Variants in FGD4 observed in about 807,000 individuals in gnomAD.
FGD4 encodes FYVE, RhoGEF and PH domain-containing protein 4.
In FGD4, 42 loss-of-function variants were observed where a neutral mutation model predicts 102.0. The ratio of observed to expected loss-of-function variants is 0.41; its 90% CI spans 0.32 to 0.53. The LOEUF (loss-of-function observed/expected upper bound fraction) is 0.53. Among genes scored for constraint, FGD4 ranks in the 20% least tolerant of loss-of-function variants. FGD4 has a pLI of 0.21. For missense variants in FGD4, 902 were observed against 1,078.2 expected (o/e 0.84, Z 2.29); for synonymous variants, 380 against 375.7 (o/e 1.01, Z -0.13).
intron 1 of FGD4, among the ~76,000 whole-genome samples, chr12:32,550,187 T>G (rs577831909): frequency 2.6e-5 from 4 of 152,104 alleles, no homozygotes; most frequent in Non-Finnish European, 5.9e-5. Context: ...CACTTTTAAT[T>G]AAGGAGTTAT....
rs1950116143 is a variant in FGD4, at chr12:32,625,691, G to A, written c.2084G>A (p.Arg695Gln). 5 of 1,613,876 alleles carry A rather than the reference G, an allele frequency of 3.1e-6. No homozygotes were observed. The highest frequency in any genetic ancestry group is 1.1e-5 in the South Asian group (1 of 91,066). The change falls in exon 14 of 17, where the codon CGA becomes CAA. Residue 695 changes from arginine (R) to glutamine (Q), a missense_variant. Physicochemically the swap from Arg to Gln is conservative, Grantham distance 43. Transcript: ENST00000534526. ...GGGAAAAGAGCCCCAAGATGGATCC[G>A]AGATAATGAAGTGACAATGTGTATG... Reference protein sequence around the residue: ...ELGKRAPRWIRDNEVTMCMKC... With the variant: ...ELGKRAPRWIQDNEVTMCMKC...
intron 1 of FGD4, among the ~76,000 whole-genome samples, chr12:32,426,205 A>T (rs565889043): frequency 6.6e-5 from 10 of 152,322 alleles, no homozygotes; most frequent in African/African-American, 2.2e-4. Context: ...TGGATTTGTC[A>T]TAAACAGCTC....
intron 1 of FGD4, among the ~76,000 whole-genome samples, chr12:32,510,604 G>A (rs539286570): frequency 4.6e-4 from 70 of 152,244 alleles, no homozygotes; most frequent in African/African-American, 1.5e-3. Flanking sequence ...CCTGTTGTAA[G>A]TAATAGTAAC....
At chr12:32,403,231 C>T (rs185861195) in intron 1 of FGD4, among the ~76,000 whole-genome samples, 1 of 152,234 alleles carries the variant, frequency 6.6e-6, no homozygotes, top group Admixed American at 6.5e-5. Context: ...GAGTTCTGTG[C>T]TTTTTGGCAA....
At chr12:32,557,877 TGGG>T (rs1213626209) in intron 1 of FGD4, among the ~76,000 whole-genome samples, 2 of 152,116 alleles carry the variant, frequency 1.3e-5, no homozygotes, top group African/African-American at 4.8e-5. Context: ...ATGGGACAAA[TGGG>T]GGAGTTTTGG....
chr12:32,499,249 C>T (rs571547116), intron 1 of FGD4, among the ~76,000 whole-genome samples: 28 of 152,330 alleles, frequency 1.8e-4, no homozygotes, highest in African/African-American at 6.0e-4. Context: ...GCGGTTTTAT[C>T]TTAAGAACCT....
At position 32,645,213 on chromosome 12, in the gene FGD4, C is replaced by T. The variant is rs1424714268; in HGVS notation, c.*4680C>T. On this transcript the variant is annotated 3_prime_UTR_variant, in exon 17 of 17. Transcript: ENST00000534526. ...TAAGAGAATCACATTATATATTACACAGTATATGGATATTGGAATGTATCA... is the reference window on the plus strand; with the variant it reads ...TAAGAGAATCACATTATATATTACATAGTATATGGATATTGGAATGTATCA... 1 of 152,002 alleles carries T rather than the reference C, an allele frequency of 6.6e-6. No individual in the cohort carries two copies. Among genetic ancestry groups the T allele is most frequent in the Non-Finnish European group, 1.5e-5 (1 of 68,030 alleles). 9.4% of individuals were successfully genotyped at this position (152,002 alleles called of 1,614,324 possible). A position where few individuals can be genotyped will look rare whatever the true frequency, so the allele number is the denominator to read the frequency against.
intron 1 of FGD4, among the ~76,000 whole-genome samples, chr12:32,523,422 ACT>A (rs1940757433): frequency 6.6e-6 from 1 of 152,090 alleles, no homozygotes; most frequent in Non-Finnish European, 1.5e-5. Flanking sequence ...CCCAACTGAA[ACT>A]CTGTACTCAT....
intron 1 of FGD4, among the ~76,000 whole-genome samples, chr12:32,531,355 T>A (rs1691877831): frequency 6.6e-6 from 1 of 152,162 alleles, no homozygotes; most frequent in Non-Finnish European, 1.5e-5. Context: ...TAGGGTACAA[T>A]TCTGAGTTTT....
At chr12:32,490,601 A>G (rs564418451) in intron 1 of FGD4, among the ~76,000 whole-genome samples, 41 of 149,518 alleles carry the variant, frequency 2.7e-4, no homozygotes, top group African/African-American at 9.7e-4. Context: ...GTTTCACCAT[A>G]TTGGCCAGGC....
At chr12:32,635,561 C>G (rs1296791445) in intron 15 of FGD4, among the ~76,000 whole-genome samples, 1 of 152,080 alleles carries the variant, frequency 6.6e-6, no homozygotes, top group Non-Finnish European at 1.5e-5. Flanking sequence ...GAACAGTGAT[C>G]AACACACTTT....
chr12:32,500,019 A>G (rs1399744565), intron 1 of FGD4, among the ~76,000 whole-genome samples: 1 of 152,242 alleles, frequency 6.6e-6, no homozygotes, highest in Non-Finnish European at 1.5e-5. Flanking sequence ...GAAAAAAACA[A>G]AAAAATCTTG....
At chr12:32,415,111 A>G (rs533398151) in intron 1 of FGD4, among the ~76,000 whole-genome samples, 1 of 152,114 alleles carries the variant, frequency 6.6e-6, no homozygotes, top group South Asian at 2.1e-4. Flanking sequence ...CTTGTTATTT[A>G]TTTGTAGCTT....
intron 1 of FGD4, among the ~76,000 whole-genome samples, chr12:32,406,329 G>A (rs1018860724): frequency 2.6e-5 from 4 of 151,800 alleles, no homozygotes; most frequent in African/African-American, 7.3e-5. Flanking sequence ...AGAAGCAGGC[G>A]GATCACTTGA....
In FGD4 at chr12:32,576,424, C is replaced by A. The variant is rs765238074; in HGVS notation, c.478C>A (p.Leu160Ile). The change falls in exon 3 of 17, where the codon CTC (leucine) becomes ATC (isoleucine). Residue 160 changes from leucine (L) to isoleucine (I), a missense_variant. Leu to Ile is a conservative substitution (Grantham distance 5). Coordinates refer to ENST00000534526, the MANE Select transcript of FGD4 (RefSeq NM_001370298.3). The part of the protein sequence containing the change: ...SKEKPSKVSD[L>I]ISRFEGGSSL... ...AGAAAAACCCAGTAAGGTATCAGAT[C>A]TCATCAGTCGCTTTGAAGGAGGCAG... 5 of 1,614,128 alleles carry A rather than the reference C, an allele frequency of 3.1e-6. No homozygotes were observed. The South Asian group carries it at 5.5e-5, about 18-fold the overall frequency.
chr12:32,558,850 C>G (rs1944319452), intron 1 of FGD4, among the ~76,000 whole-genome samples: 1 of 152,152 alleles, frequency 6.6e-6, no homozygotes, highest in African/African-American at 2.4e-5. Flanking sequence ...GAGATACAAC[C>G]CAGCAAGCAT....
At chr12:32,456,790 C>G (rs1942959172) in intron 1 of FGD4, among the ~76,000 whole-genome samples, 2 of 152,100 alleles carry the variant, frequency 1.3e-5, no homozygotes, top group Non-Finnish European at 2.9e-5. Flanking sequence ...CCAGTAGATC[C>G]TCTTCCACAA....
chr12:32,594,888 G>T (rs547895724), intron 4 of FGD4, among the ~76,000 whole-genome samples: 1 of 152,166 alleles, frequency 6.6e-6, no homozygotes, highest in South Asian at 2.1e-4. Context: ...AAAATTAGCT[G>T]GGCATGGTGG....
intron 4 of FGD4, among the ~76,000 whole-genome samples, chr12:32,591,871 AG>A (rs1294408169): frequency 6.6e-6 from 1 of 152,200 alleles, no homozygotes. Context: ...GGAGGTGTGA[AG>A]GCAGACAGTA....
Sources: gnomAD v4.1 joint callset for allele counts (sites outside exome capture counted in the v4.1 genomes callset) on GRCh38, gnomAD v4.1.1 for gene constraint, MANE v1.5 for transcripts, NCBI Gene and HGNC (gene_info 2026-07-23, HGNC 2026-07-21) for gene names.